MAGI2: variants seen among roughly 807,000 people sequenced by gnomAD.
MAGI2 encodes the protein membrane associated guanylate kinase, WW and PDZ domain containing 2.
A neutral mutation model predicts 133.3 loss-of-function variants in MAGI2; 35 were observed. That is an observed-to-expected ratio of 0.26 (90% CI 0.20 to 0.35). The LOEUF is 0.35. Ranked by LOEUF, MAGI2 falls within the 10% of genes least tolerant of loss-of-function variation. MAGI2 has a pLI of 1.00. For synonymous variants in MAGI2, 729 were observed against 710.6 expected, an observed-to-expected ratio of 1.03 and a Z score of -0.41; for missense variants, 1,636 against 1,863.4, an observed-to-expected ratio of 0.88 and a Z score of 2.25.
At chr7:79,043,013 C>T (rs769205155) in intron 1 of MAGI2, among the ~76,000 whole-genome samples, 3 of 151,964 alleles carry the variant, frequency 2.0e-5, no homozygotes, top group African/African-American at 4.8e-5. Flanking sequence ...AGTCAGAAAT[C>T]AATAAATTAT....
intron 1 of MAGI2, among the ~76,000 whole-genome samples, chr7:79,382,713 A>G (rs1287997045): frequency 6.6e-6 from 1 of 151,680 alleles, no homozygotes; most frequent in Non-Finnish European, 1.5e-5. Context: ...AAATAAATAT[A>G]CGTTGACAAT....
intron 1 of MAGI2, among the ~76,000 whole-genome samples, chr7:79,250,497 A>C (rs1260290568): frequency 6.6e-6 from 1 of 152,168 alleles, no homozygotes; most frequent in Non-Finnish European, 1.5e-5. Context: ...TCCTATTTAC[A>C]ATAACTAAAA....
chr7:78,801,610 G>C (rs1463663531), intron 2 of MAGI2, among the ~76,000 whole-genome samples: 2 of 116,318 alleles, frequency 1.7e-5, no homozygotes, highest in Non-Finnish European at 4.1e-5. Context: ...ATAATAAAAA[G>C]GGTTTTTTTT....
At chr7:78,291,029 A>G (rs1299479988) in intron 9 of MAGI2, among the ~76,000 whole-genome samples, 1 of 152,240 alleles carries the variant, frequency 6.6e-6, no homozygotes, top group African/African-American at 2.4e-5. Context: ...TAAAAGAGCT[A>G]GAGAAGCAAG....
chr7:78,354,525 A>G, intron 7 of MAGI2, among the ~76,000 whole-genome samples: 1 of 152,186 alleles, frequency 6.6e-6, no homozygotes, highest in East Asian at 1.9e-4. Flanking sequence ...GAAATTGACA[A>G]GACTGGGGAC....
At chr7:78,474,541 A>C (rs1791549811) in intron 6 of MAGI2, among the ~76,000 whole-genome samples, 1 of 152,054 alleles carries the variant, frequency 6.6e-6, no homozygotes, top group East Asian at 1.9e-4. Context: ...AAGGCAGTAC[A>C]CTTTCAAAAT....
chr7:78,423,945 T>C (rs1410807665), intron 6 of MAGI2, among the ~76,000 whole-genome samples: 1 of 152,096 alleles, frequency 6.6e-6, no homozygotes, highest in Non-Finnish European at 1.5e-5. Flanking sequence ...GACAATGTAA[T>C]AGAAAAGAAA....
At chr7:79,365,949 GAAA>G (rs113246725) in intron 1 of MAGI2, among the ~76,000 whole-genome samples, 3 of 139,806 alleles carry the variant, frequency 2.1e-5, no homozygotes, top group Non-Finnish European at 3.1e-5. Context: ...TAGGTTGAGT[GAAA>G]AAAAAAAAAA....
chr7:79,265,564 G>A (rs1054927486), intron 1 of MAGI2, among the ~76,000 whole-genome samples: 6 of 151,968 alleles, frequency 3.9e-5, no homozygotes, highest in South Asian at 4.2e-4. Context: ...GATAGTGTAC[G>A]TGCTTATATA....
At chr7:78,864,344 A>C (rs1348930483) in intron 2 of MAGI2, among the ~76,000 whole-genome samples, 1 of 152,244 alleles carries the variant, frequency 6.6e-6, no homozygotes, top group Non-Finnish European at 1.5e-5. Context: ...TACAGCATTG[A>C]TGAGAAATCA....
At chr7:79,281,911 A>G (rs1835672930) in intron 1 of MAGI2, among the ~76,000 whole-genome samples, 2 of 152,160 alleles carry the variant, frequency 1.3e-5, no homozygotes, top group South Asian at 4.1e-4. Context: ...ATTGAAAATT[A>G]TACTATATAT....
At chr7:79,101,782 T>G (rs1818010127) in intron 1 of MAGI2, among the ~76,000 whole-genome samples, 1 of 150,892 alleles carries the variant, frequency 6.6e-6, no homozygotes, top group Admixed American at 6.6e-5. Flanking sequence ...AAACACAGGC[T>G]GAATCTGCTC....
At chr7:78,569,124 C>A (rs909085771) in intron 3 of MAGI2, among the ~76,000 whole-genome samples, 2 of 115,112 alleles carry the variant, frequency 1.7e-5, no homozygotes, top group Admixed American at 8.4e-5. Context: ...ATGTGCATGC[C>A]AACACACACA....
intron 1 of MAGI2, among the ~76,000 whole-genome samples, chr7:79,008,163 T>A (rs1164195301): frequency 1.3e-5 from 2 of 152,076 alleles, no homozygotes; most frequent in African/African-American, 4.8e-5. Flanking sequence ...TCAAATATAC[T>A]AGGGAAATTG....
intron 6 of MAGI2, among the ~76,000 whole-genome samples, chr7:78,446,575 G>C (rs1329842139): frequency 1.3e-5 from 2 of 152,054 alleles, no homozygotes; most frequent in Non-Finnish European, 2.9e-5. Context: ...ATCAATTAAA[G>C]GAACTCTACC....
chr7:79,022,550 G>T (rs926531558), intron 1 of MAGI2, among the ~76,000 whole-genome samples: 1 of 146,264 alleles, frequency 6.8e-6, no homozygotes, highest in South Asian at 2.2e-4. Context: ...AGGCAATTGA[G>T]ACACAAAACC....
chr7:78,069,539 G>GGAGAGAGAGA lies in MAGI2; in HGVS notation c.3706+9398_3706+9407dup, dbSNP rs3840607. On this transcript the variant is annotated intron_variant, in intron 21 of 21. Transcript: ENST00000354212. ...AGAGAGAGATTGAAAGAAAGAGAGA[G>GGAGAGAGAGA]GAGAGAGAGAGAGAGAGAGAGAGAG... Among the ~76,000 whole-genome samples, 267 of 134,712 alleles carry GGAGAGAGAGA rather than the reference G, an allele frequency of 2.0e-3. 4 individuals are homozygous for GGAGAGAGAGA. The highest frequency in any genetic ancestry group is 6.7e-3 in the African/African-American group (237 of 35,626). The allele number at this position is 134,712 out of a possible 152,430, so 88.4% of individuals were successfully genotyped here.
chr7:78,454,399 G>A (rs59424961), intron 6 of MAGI2, among the ~76,000 whole-genome samples: 16,782 of 152,032 alleles, frequency 0.11, 1,085 homozygotes, highest in East Asian at 0.29. Flanking sequence ...ACAGCTATTA[G>A]AATGATTAAA....
intron 2 of MAGI2, among the ~76,000 whole-genome samples, chr7:78,647,456 T>C (rs1811018917): frequency 6.6e-6 from 1 of 152,088 alleles, no homozygotes; most frequent in Admixed American, 6.6e-5. Flanking sequence ...TACCATCTCA[T>C]GCCCGTTAGA....
Sources: gnomAD v4.1 joint callset for allele counts (sites outside exome capture counted in the v4.1 genomes callset) on GRCh38, gnomAD v4.1.1 for gene constraint, MANE v1.5 for transcripts, NCBI Gene and HGNC (gene_info 2026-07-23, HGNC 2026-07-21) for gene names.